Variants in ANK3 observed in about 807,000 individuals in gnomAD.
The protein encoded by ANK3 is ankyrin 3, also known as ankyrin-3.
ANK3 carries 57 observed loss-of-function variants against 370.9 expected under a neutral mutation model. The observed-to-expected ratio is 0.15, with a 90% CI of 0.12 to 0.19. The LOEUF (loss-of-function observed/expected upper bound fraction) is 0.19. ANK3 is among the 10% of genes least tolerant of loss of function. ANK3 has a pLI of 1.00. For missense variants in ANK3, 4,439 were observed against 5,302.1 expected (o/e 0.84, Z 5.06); for synonymous variants, 1,929 against 1,946.3 (o/e 0.99, Z 0.23).
intron 7 of ANK3, among the ~76,000 whole-genome samples, chr10:60,244,033 G>C (rs2097517115): frequency 6.6e-6 from 1 of 152,158 alleles, no homozygotes; most frequent in African/African-American, 2.4e-5. Flanking sequence ...GGGTACTATT[G>C]ATGTCAGGGA....
chr10:60,418,283 A>G (rs2063710069), intron 2 of ANK3, among the ~76,000 whole-genome samples: 1 of 152,010 alleles, frequency 6.6e-6, no homozygotes. Flanking sequence ...TATACACCAC[A>G]CTGACTCACT....
At chr10:60,644,613 T>A (rs1451972625) in intron 1 of ANK3, among the ~76,000 whole-genome samples, 1 of 152,012 alleles carries the variant, frequency 6.6e-6, no homozygotes, top group East Asian at 1.9e-4. Context: ...TGCAGCTTGG[T>A]TTATGGGATT....
At chr10:60,690,285 C>T (rs1057015583) in intron 1 of ANK3, among the ~76,000 whole-genome samples, 24 of 152,108 alleles carry the variant, frequency 1.6e-4, no homozygotes, top group Non-Finnish European at 3.1e-4. Context: ...CGGGGCATCA[C>T]CTCACCCGGG....
chr10:60,475,831 C>T (rs968771594), intron 2 of ANK3, among the ~76,000 whole-genome samples: 5 of 152,068 alleles, frequency 3.3e-5, no homozygotes, highest in African/African-American at 7.2e-5. Flanking sequence ...GAGTCGCTTT[C>T]GAAAAAATCT....
chr10:60,632,648 A>C (rs2078500242), intron 1 of ANK3, among the ~76,000 whole-genome samples: 1 of 152,082 alleles, frequency 6.6e-6, no homozygotes, highest in South Asian at 2.1e-4. Flanking sequence ...GCTACTCAAG[A>C]AGCTGAAGCA....
At chr10:60,644,516 T>C (rs2078681296) in intron 1 of ANK3, among the ~76,000 whole-genome samples, 2 of 151,982 alleles carry the variant, frequency 1.3e-5, no homozygotes, top group African/African-American at 4.8e-5. Flanking sequence ...CATAATTGTC[T>C]TTAAAAGTAC....
intron 2 of ANK3, among the ~76,000 whole-genome samples, chr10:60,427,868 T>C (rs2063924988): frequency 6.6e-6 from 1 of 152,150 alleles, no homozygotes; most frequent in South Asian, 2.1e-4. Context: ...GACAATGCAC[T>C]GAACAGATGA....
At chr10:60,290,210 A>T (rs2041018187) in intron 1 of ANK3, among the ~76,000 whole-genome samples, 1 of 152,176 alleles carries the variant, frequency 6.6e-6, no homozygotes, top group Non-Finnish European at 1.5e-5. Context: ...AAAACCTTGG[A>T]TCTTTAAGAG....
chr10:60,629,370 T>A (rs185731499), intron 1 of ANK3, among the ~76,000 whole-genome samples: 148 of 152,316 alleles, frequency 9.7e-4, no homozygotes, highest in Non-Finnish European at 2.9e-4. Flanking sequence ...GTAACAAGCA[T>A]CATATTTAAA....
At chr10:60,258,566 T>G (rs1448132275) in intron 7 of ANK3, among the ~76,000 whole-genome samples, 4 of 152,194 alleles carry the variant, frequency 2.6e-5, no homozygotes, top group Non-Finnish European at 5.9e-5. Context: ...CAGAAAGCAA[T>G]TCCTTCTATT....
intron 2 of ANK3, among the ~76,000 whole-genome samples, chr10:60,560,151 T>C (rs1241244731): frequency 6.6e-6 from 1 of 152,072 alleles, no homozygotes; most frequent in African/African-American, 2.4e-5. Context: ...AAAAAACCTT[T>C]TATACAAAGA....
chr10:60,423,639 CTT>C (rs1314676959), intron 2 of ANK3, among the ~76,000 whole-genome samples: 1 of 151,948 alleles, frequency 6.6e-6, no homozygotes, highest in Non-Finnish European at 1.5e-5. Flanking sequence ...ATTAAAAACT[CTT>C]TATATTTACC....
rs548199422 is a variant in ANK3, at chr10:60,196,486, C to T, written c.1788+41G>A. 1.2e-5 allele frequency: 16 copies of T among 1,337,980 alleles called. No individual in the cohort carries two copies. The East Asian group carries it at 2.8e-4, about 23-fold the overall frequency. 82.9% of individuals were successfully genotyped at this position (1,337,980 alleles called of 1,614,324 possible). A position where few individuals can be genotyped will look rare whatever the true frequency, so the allele number is the denominator to read the frequency against. ...TATTAGCAAGGGTGTATTTTGTTAT[C>T]GTGGAAGTGGCCTGCTTCAGGGTGG... On this transcript the variant is annotated intron_variant, in intron 15 of 43. Transcript: ENST00000280772.
At chr10:60,154,123 T>C (rs937189552) in intron 23 of ANK3, among the ~76,000 whole-genome samples, 2 of 152,200 alleles carry the variant, frequency 1.3e-5, no homozygotes, top group African/African-American at 4.8e-5. Flanking sequence ...GTAACATCGA[T>C]TTGAAAGGCC....
At chr10:60,272,006 GA>G (rs1191952151) in intron 4 of ANK3, among the ~76,000 whole-genome samples, 1 of 151,224 alleles carries the variant, frequency 6.6e-6, no homozygotes, top group African/African-American at 2.4e-5. Flanking sequence ...AATATCTCTG[GA>G]GCCCACTGTT....
At chr10:60,190,760 G>T (rs375725128) in intron 16 of ANK3, among the ~76,000 whole-genome samples, 14 of 152,076 alleles carry the variant, frequency 9.2e-5, no homozygotes, top group African/African-American at 3.4e-4. Context: ...GAACCAAAAG[G>T]GAGCCCAAAT....
chr10:60,386,435 T>C (rs1031882455), intron 1 of ANK3, among the ~76,000 whole-genome samples: 2 of 151,608 alleles, frequency 1.3e-5, no homozygotes, highest in South Asian at 2.1e-4. Flanking sequence ...TTTCAACAAA[T>C]AGGAAGATTT....
chr10:60,064,257 A>C lies in ANK3; in HGVS notation c.12351T>G (p.Asp4117Glu). The C allele has an allele frequency of 6.3e-7, 1 of 1,579,628 alleles. No homozygotes were observed. Among genetic ancestry groups the C allele is most frequent in the South Asian group, 1.2e-5 (1 of 83,570 alleles). ...TTTCCACACGTATTTGATTGATTTCATCCACTGAAAAATTCAGTTCCCTTG... is the reference window on the plus strand; with the variant it reads ...TTTCCACACGTATTTGATTGATTTCCTCCACTGAAAAATTCAGTTCCCTTG... ...ELARELNFSV[D>E]EINQIRVENP... is the part of the protein sequence containing the mutation. Residue 4117 changes from aspartate (D) to glutamate (E), a missense_variant, in exon 39 of 44, where the codon GAT becomes GAG. Coordinates refer to ENST00000280772, the MANE Select transcript of ANK3 (RefSeq NM_020987.5).
At position 60,073,433 on chromosome 10, in the gene ANK3, G is replaced by C; in HGVS notation, c.7448C>G (p.Ser2483Trp). The C allele has an allele frequency of 6.2e-7, 1 of 1,613,788 alleles. No homozygotes were observed. Among genetic ancestry groups the C allele is most frequent in the South Asian group, 1.1e-5 (1 of 91,034 alleles). The change falls in exon 37 of 44, where the codon TCG becomes TGG. Residue 2483 changes from serine (S) to tryptophan (W), a missense_variant. This residue lies in a region of ANK3 where 1,601 missense variants were observed against 1,731.7 expected (regional missense o/e 0.92). Transcript: ENST00000280772. ...LDVSHSDTEE[S>W]VTDHAGPPSS... Reference sequence around the variant, plus strand: ...AGGGGGTCCTGCATGGTCTGTAACCGATTCCTCAGTATCAGAATGAGACAC... The same window carrying C: ...AGGGGGTCCTGCATGGTCTGTAACCCATTCCTCAGTATCAGAATGAGACAC...
Sources: allele counts gnomAD v4.1 joint callset (sites outside exome capture counted in the v4.1 genomes callset), GRCh38; gene constraint gnomAD v4.1.1; regional missense constraint gnomAD v4.1.1; transcripts MANE v1.5; gene names NCBI Gene and HGNC (gene_info 2026-07-23, HGNC 2026-07-21).